The following SRR variants were observed in gnomAD, a reference collection of about 807,000 sequenced individuals.
The protein encoded by SRR is D-serine ammonia-lyase.
A neutral mutation model predicts 32.7 loss-of-function variants in SRR; 19 were observed. The observed-to-expected ratio is 0.58, with a 90% CI of 0.40 to 0.85. SRR has a LOEUF of 0.85. Among genes scored for constraint, SRR ranks in the 40% least tolerant of loss-of-function variants. The pLI is 0.00. For synonymous variants in SRR, 142 were observed against 140.9 expected (o/e 1.01, Z -0.06); for missense variants, 373 against 404.7 (o/e 0.92, Z 0.67).
chr17:2,315,831 T>C, intron 2 of SRR, 103 bp downstream of exon 2: 1 of 1,151,936 alleles, frequency 8.7e-7, no homozygotes, highest in Admixed American at 2.4e-5. Flanking sequence ...AGTAAATTAA[T>C]GCCTTTATAC....
Position 2,324,530 on chromosome 17 carries a change from C to T in SRR, c.*657C>T, listed in dbSNP as rs769967606. On this transcript the variant is annotated 3_prime_UTR_variant, in exon 8 of 8. Transcript: ENST00000344595. The stretch of plus-strand genomic sequence containing the variant: ...TAAAGGTTCCTTGATATGTCCTCTC[C>T]GGCCCCACTTCGTTCTCAGTTCCAC... 1.8e-5 allele frequency: 29 copies of T among 1,614,090 alleles called. No individual in the cohort carries two copies. Among genetic ancestry groups the T allele is most frequent in the South Asian group, 4.4e-5 (4 of 91,084 alleles).
intron 1 of SRR, among the ~76,000 whole-genome samples, chr17:2,311,746 G>A (rs79424207): frequency 0.012 from 1,873 of 152,258 alleles, 41 homozygotes; most frequent in African/African-American, 0.042. Context: ...TGTGAGAAAA[G>A]CCAATGAATT....
chr17:2,314,605 T>G (rs2151432251), intron 1 of SRR, among the ~76,000 whole-genome samples: 1 of 132,256 alleles, frequency 7.6e-6, no homozygotes, highest in East Asian at 2.3e-4. Context: ...AAAAAAAAAT[T>G]AGCTGGGCAT....
At chr17:2,320,764 G>C (rs901438036) in intron 4 of SRR, among the ~76,000 whole-genome samples, 1 of 151,152 alleles carries the variant, frequency 6.6e-6, no homozygotes, top group Non-Finnish European at 1.5e-5. Flanking sequence ...GTTTTGCCGT[G>C]TTGGCAAGGC....
rs770456741 is a variant in SRR at position 2,324,833 on chromosome 17, A to T, written c.*960A>T. The T allele has an allele frequency of 6.2e-7, 1 of 1,604,284 alleles. No homozygotes were observed. The highest frequency in any genetic ancestry group is 1.8e-5 in the Admixed American group (1 of 57,066). On this transcript the variant is annotated 3_prime_UTR_variant, in exon 8 of 8. Coordinates refer to ENST00000344595, the MANE Select transcript of SRR (RefSeq NM_021947.3). ...GTAGCAATGAGGCTGTGCATTCCTA[A>T]AGGACAAAAGCAAAGAAGCTATTTA... is the stretch of plus-strand genomic sequence containing the variant.
At chr17:2,317,676 C>A (rs929548495) in intron 2 of SRR, among the ~76,000 whole-genome samples, 194 bp from the exon 3 acceptor site, 1 of 151,922 alleles carries the variant, frequency 6.6e-6, no homozygotes, top group Non-Finnish European at 1.5e-5. Context: ...GCACTGCACT[C>A]CAGCCGGGAT....
chr17:2,323,098 G>A (rs1597271390), intron 6 of SRR, 38 bp from the exon 7 acceptor site: 2 of 1,598,794 alleles, frequency 1.3e-6, no homozygotes, highest in Non-Finnish European at 1.7e-6. Context: ...GCAATGTTGT[G>A]GTTTGTTGTT....
chr17:2,306,445 C>T (rs1178929606), intron 1 of SRR, among the ~76,000 whole-genome samples: 4 of 150,578 alleles, frequency 2.7e-5, no homozygotes, highest in Admixed American at 6.6e-5. Context: ...GGCCAGGCCC[C>T]GTGGCTCATG....
At chr17:2,304,978 A>G (rs1274316770) in intron 1 of SRR, among the ~76,000 whole-genome samples, 2 of 152,088 alleles carry the variant, frequency 1.3e-5, no homozygotes, top group Non-Finnish European at 2.9e-5. Context: ...CCACAGCCCC[A>G]TAGGCTTTTA....
chr17:2,311,524 C>A (rs946559518), intron 1 of SRR, among the ~76,000 whole-genome samples: 6 of 151,944 alleles, frequency 3.9e-5, no homozygotes, highest in African/African-American at 1.5e-4. Flanking sequence ...ACCTGTGGTC[C>A]CAGCTACTCA....
upstream of SRR, chr17:2,303,618 G>A: frequency 6.9e-7 from 1 of 1,445,282 alleles, no homozygotes; most frequent in Non-Finnish European, 9.1e-7. Flanking sequence ...CCAGGAGCTG[G>A]GCGGCGCGAC....
intron 2 of SRR, 52 bp from the exon 3 acceptor site, chr17:2,317,818 T>C: frequency 6.3e-7 from 1 of 1,583,240 alleles, no homozygotes; most frequent in Non-Finnish European, 8.6e-7. Flanking sequence ...CTCCTTGCTT[T>C]CCAAAACAAT....
Position 2,318,837 on chromosome 17 carries a change from T to C in SRR, c.307T>C (p.Tyr103His). 6.2e-7 allele frequency: 1 copy of C among 1,612,990 alleles called. No homozygotes were observed. Among genetic ancestry groups the C allele is most frequent in the Non-Finnish European group, 8.5e-7 (1 of 1,179,318 alleles). Residue 103 changes from tyrosine (Y) to histidine (H), a missense_variant, in exon 4 of 8, where the codon TAT (tyrosine) becomes CAT (histidine). Tyr to His is a moderately conservative substitution (Grantham distance 83, BLOSUM62 2). Transcript: ENST00000344595. ...YAAKLEGIPA[Y>H]IVVPQTAPDC... ...TTTTCCTCTCCCAGGAATTCCTGCTTATATTGTGGTGCCCCAGACAGCTCC... is the reference window on the plus strand; with the variant it reads ...TTTTCCTCTCCCAGGAATTCCTGCTCATATTGTGGTGCCCCAGACAGCTCC...
upstream of SRR, chr17:2,303,448 A>G: frequency 7.7e-7 from 1 of 1,303,590 alleles, no homozygotes; most frequent in Non-Finnish European, 9.7e-7. Context: ...GGACTGGCCG[A>G]GCCCGACCCC....
chr17:2,307,714 T>G, intron 1 of SRR: 1 of 994,608 alleles, frequency 1.0e-6, no homozygotes, highest in Non-Finnish European at 1.6e-6. Flanking sequence ...GGCGGAAGAT[T>G]TTAATTAGGC....
chr17:2,318,528 G>C (rs1414762162), intron 3 of SRR, among the ~76,000 whole-genome samples: 5 of 149,136 alleles, frequency 3.4e-5, no homozygotes, highest in Admixed American at 3.3e-4. Context: ...GCAGTGGCAG[G>C]ATCTCGGCTC....
chr17:2,323,149 G>C lies in SRR; in HGVS notation c.608G>C (p.Ser203Thr). ...TCCTCTTCCCAGGCTCTGAAACCTA[G>C]TGTGAAGGTATATGCTGCTGAACCC... Reference protein sequence around the residue: ...IAITVKALKPSVKVYAAEPSN... With the variant: ...IAITVKALKPTVKVYAAEPSN... Residue 203 changes from serine (S) to threonine (T), a missense_variant, in exon 7 of 8, where the codon AGT (serine) becomes ACT (threonine). By Grantham distance (58) the Ser-to-Thr change is moderately conservative (BLOSUM62 1). Transcript: ENST00000344595. The C allele has an allele frequency of 1.2e-6, 2 of 1,614,186 alleles. No individual in the cohort carries two copies. Among genetic ancestry groups the C allele is most frequent in the Non-Finnish European group, 8.5e-7 (1 of 1,180,018 alleles).
At chr17:2,303,407 A>T (rs2075332028), upstream of SRR, 8 of 1,249,390 alleles carry the variant, frequency 6.4e-6, no homozygotes, top group South Asian at 2.6e-4. Flanking sequence ...TGGAGGCAGG[A>T]ATTCGGGCCA....
intron 1 of SRR, among the ~76,000 whole-genome samples, chr17:2,304,729 C>A (rs920761540): frequency 6.7e-6 from 1 of 150,374 alleles, no homozygotes. Context: ...CACTCCAGCC[C>A]GGGAGTCTCC....
Sources: allele counts gnomAD v4.1 joint callset (sites outside exome capture counted in the v4.1 genomes callset), GRCh38; gene constraint gnomAD v4.1.1; transcripts MANE v1.5; gene names NCBI Gene and HGNC (gene_info 2026-07-23, HGNC 2026-07-21).